The following ACSBG1 variants were observed in gnomAD, a reference collection of about 807,000 sequenced individuals.
ACSBG1 encodes acyl-CoA synthetase bubblegum family member 1.
In ACSBG1, 39 loss-of-function variants were observed where a neutral mutation model predicts 80.2. The ratio of observed to expected loss-of-function variants is 0.49; its 90% CI spans 0.38 to 0.64. The LOEUF is 0.64. ACSBG1 is among the 30% of genes least tolerant of loss of function. The pLI is 0.00. For synonymous variants in ACSBG1, 392 were observed against 379.5 expected (o/e 1.03, Z -0.38); for missense variants, 828 against 966.4 (o/e 0.86, Z 1.90).
At chr15:78,215,735 A>AAAGAAAGG (rs1555434019) in intron 1 of ACSBG1, among the ~76,000 whole-genome samples, 1,627 of 125,344 alleles carry the variant, frequency 0.013, 13 homozygotes, top group East Asian at 0.022. Context: ...AGAAAGAAAG[A>AAAGAAAGG]AAGAAAGAAA....
intron 1 of ACSBG1, chr15:78,209,320 CTG>C: frequency 2.2e-6 from 1 of 448,974 alleles, no homozygotes; most frequent in Middle Eastern, 3.5e-4. Flanking sequence ...AGGGGGATGA[CTG>C]GGGAACCAAG....
chr15:78,201,106 C>G (rs1311117076), intron 2 of ACSBG1, among the ~76,000 whole-genome samples: 1 of 152,214 alleles, frequency 6.6e-6, no homozygotes, highest in Non-Finnish European at 1.5e-5. Flanking sequence ...AGACTCCCAT[C>G]CTGAGCCTAA....
intron 4 of ACSBG1, 73 bp from the exon 5 acceptor site, chr15:78,193,699 T>C (rs2075080897): frequency 3.7e-6 from 5 of 1,361,348 alleles, no homozygotes; most frequent in Admixed American, 2.3e-5. Context: ...CCCCCACATC[T>C]GTAGCCCCCA....
In ACSBG1 at chr15:78,171,376, C is replaced by T; in HGVS notation, c.*68G>A. 1 of 1,373,510 alleles carries T rather than the reference C, an allele frequency of 7.3e-7. No individual in the cohort carries two copies. The highest frequency in any genetic ancestry group is 1.0e-6 in the Non-Finnish European group (1 of 971,376). The allele number at this position is 1,373,510 out of a possible 1,614,324, so 85.1% of individuals were successfully genotyped here. A position where few individuals can be genotyped will look rare whatever the true frequency, so the allele number is the denominator to read the frequency against. On this transcript the variant is annotated 3_prime_UTR_variant, in exon 14 of 14. Coordinates refer to ENST00000258873, the MANE Select transcript of ACSBG1 (RefSeq NM_015162.5). ...ATGCCTGTGCCCAGACTGAAGAGAC[C>T]TGGGGCTCAGGAAGAGGCTCGGAAC... is the stretch of plus-strand genomic sequence containing the variant.
At position 78,172,691 on chromosome 15, in the gene ACSBG1, A is replaced by C. The variant is rs898897692; in HGVS notation, c.2089+902T>G. Reference sequence around the variant, plus strand: ...ATTGCAGCTCAGCTTTGCTGTAGACAATTGCATCTGGGTTCAGCCGTGATG... The same window carrying C: ...ATTGCAGCTCAGCTTTGCTGTAGACCATTGCATCTGGGTTCAGCCGTGATG... On this transcript the variant is annotated intron_variant, in intron 13 of 13. Coordinates refer to ENST00000258873, the MANE Select transcript of ACSBG1 (RefSeq NM_015162.5). This position sits in a 1 kb window ranked among gnomAD's most constrained non-coding sequence, Gnocchi z 4.1. Among the ~76,000 whole-genome samples the C allele has an allele frequency of 3.9e-5, 6 of 152,222 alleles. No homozygotes were observed. The highest frequency in any genetic ancestry group is 2.0e-4 in the Admixed American group (3 of 15,282).
rs910350262 is a variant in ACSBG1 at position 78,171,058 on chromosome 15, A to G, written c.*386T>C. On this transcript the variant is annotated 3_prime_UTR_variant, in exon 14 of 14. Transcript: ENST00000258873. ...GATTGCTTTTCCTGCAGCGCACGTGAGCAGTATCAGCCATCTCTCTCCTAC... is the reference window on the plus strand; with the variant it reads ...GATTGCTTTTCCTGCAGCGCACGTGGGCAGTATCAGCCATCTCTCTCCTAC... The G allele has an allele frequency of 6.3e-6, 1 of 159,962 alleles. No homozygotes were observed. The highest frequency in any genetic ancestry group is 2.4e-5 in the African/African-American group (1 of 41,600). The allele number at this position is 159,962 out of a possible 1,614,324, so 9.9% of individuals were successfully genotyped here. A position where few individuals can be genotyped will look rare whatever the true frequency, so the allele number is the denominator to read the frequency against.
chr15:78,209,663 C>G (rs1246923940), intron 1 of ACSBG1, among the ~76,000 whole-genome samples: 1 of 152,148 alleles, frequency 6.6e-6, no homozygotes, highest in Non-Finnish European at 1.5e-5. Flanking sequence ...CTGCTAGGCT[C>G]AGAGGCCTGC....
chr15:78,208,109 T>C lies in ACSBG1; in HGVS notation c.132-7A>G. On this transcript the variant is annotated splice_polypyrimidine_tract_variant and splice_region_variant and intron_variant, in intron 1 of 13. Coordinates refer to ENST00000258873, the MANE Select transcript of ACSBG1 (RefSeq NM_015162.5). ...CTGCCTGTCAGTCAGTGAGCTGGGG[T>C]GGTGAGGGGACCAGGAAAAACATTC... 1 of 1,611,342 alleles carries C rather than the reference T, an allele frequency of 6.2e-7. No homozygotes were observed. Among genetic ancestry groups the C allele is most frequent in the Non-Finnish European group, 8.5e-7 (1 of 1,178,396 alleles).
At chr15:78,228,526 C>T (rs745621315) in intron 1 of ACSBG1, among the ~76,000 whole-genome samples, 5 of 152,206 alleles carry the variant, frequency 3.3e-5, no homozygotes, top group Non-Finnish European at 7.3e-5. Context: ...TCAGTTTGAG[C>T]TCTGCTGCCC....
At position 78,167,865 on chromosome 15, in the gene ACSBG1, T is replaced by C. The variant is rs573095020; in HGVS notation, c.*3579A>G. ...TTGAAATTATATCGTGTGGCCAAAA[T>C]ACAAGAAATTCAGGCTTGTTTTTAA... On this transcript the variant is annotated 3_prime_UTR_variant, in exon 14 of 14. Transcript: ENST00000258873. 5.9e-5 allele frequency: 9 copies of C among 152,216 alleles called. No individual in the cohort carries two copies. The highest frequency in any genetic ancestry group is 1.3e-4 in the Non-Finnish European group (9 of 68,034). The allele number at this position is 152,216 out of a possible 1,614,324, so 9.4% of individuals were successfully genotyped here. A position where few individuals can be genotyped will look rare whatever the true frequency, so the allele number is the denominator to read the frequency against.
At position 78,194,643 on chromosome 15, in the gene ACSBG1, GCA is replaced by G. The variant is rs1248567268; in HGVS notation, c.314_315del (p.Val105AlafsTer10). The G allele has an allele frequency of 6.2e-7, 1 of 1,614,254 alleles. No individual in the cohort carries two copies. The highest frequency in any genetic ancestry group is 8.5e-7 in the Non-Finnish European group (1 of 1,180,044). ...DPSCPQLPYT[V>X]HRMFYEALDK... ...TCCAGGGCCTCGTAGAACATCCGAT[GCA>G]CAGTGTAGGGAAGCTGTGGGCAGCT... On this transcript the variant is annotated frameshift_variant, in exon 3 of 14. Coordinates refer to ENST00000258873, the MANE Select transcript of ACSBG1 (RefSeq NM_015162.5). LOFTEE classifies it high-confidence loss of function.
chr15:78,215,116 C>T (rs907359115), intron 1 of ACSBG1, among the ~76,000 whole-genome samples: 2 of 152,034 alleles, frequency 1.3e-5, no homozygotes, highest in South Asian at 4.2e-4. Context: ...GAAGCCCATG[C>T]TATATTAACG....
At chr15:78,185,436 A>C (rs986447907) in intron 5 of ACSBG1, among the ~76,000 whole-genome samples, 1 of 152,228 alleles carries the variant, frequency 6.6e-6, no homozygotes, top group Non-Finnish European at 1.5e-5. Flanking sequence ...TAGAGTAAAG[A>C]CTACCTAAAG....
chr15:78,209,302 C>T (rs1004095749), intron 1 of ACSBG1: 22 of 445,022 alleles, frequency 4.9e-5, no homozygotes, highest in Non-Finnish European at 7.3e-5. Flanking sequence ...GGGAGGGGGA[C>T]GGGGAGAAGG....
rs181170316 is a variant in ACSBG1 at position 78,167,786 on chromosome 15, C to G, written c.*3658G>C. 2.0e-5 allele frequency: 3 copies of G among 152,274 alleles called. No individual in the cohort carries two copies. The East Asian group carries it at 5.8e-4, about 29-fold the overall frequency. 9.4% of individuals were successfully genotyped at this position (152,274 alleles called of 1,614,324 possible). ...TTTGTCCTTTGAGTCTGGCTTATTTCACTTAGCGTAATATCTTCAAAGTTG... is the reference window on the plus strand; with the variant it reads ...TTTGTCCTTTGAGTCTGGCTTATTTGACTTAGCGTAATATCTTCAAAGTTG... On this transcript the variant is annotated 3_prime_UTR_variant, in exon 14 of 14. Transcript: ENST00000258873.
At chr15:78,224,535 C>T (rs748886849) in intron 1 of ACSBG1, among the ~76,000 whole-genome samples, 12 of 151,972 alleles carry the variant, frequency 7.9e-5, no homozygotes, top group South Asian at 2.1e-4. Flanking sequence ...CTGGCTAACA[C>T]GGTGAAACCC....
intron 1 of ACSBG1, among the ~76,000 whole-genome samples, chr15:78,219,718 C>T (rs1217405871): frequency 6.6e-6 from 1 of 152,094 alleles, no homozygotes; most frequent in Non-Finnish European, 1.5e-5. Flanking sequence ...GGCGCGGTGG[C>T]TAATGCCTGT....
intron 11 of ACSBG1, among the ~76,000 whole-genome samples, chr15:78,175,733 G>C (rs1378575550): frequency 6.6e-6 from 1 of 152,170 alleles, no homozygotes; most frequent in African/African-American, 2.4e-5. Context: ...GGTGAAGAGT[G>C]GTTATTCAGG....
chr15:78,207,519 C>T (rs560713835), intron 2 of ACSBG1, among the ~76,000 whole-genome samples: 1 of 152,112 alleles, frequency 6.6e-6, no homozygotes, highest in East Asian at 1.9e-4. Context: ...CCTTAAGGCA[C>T]AATTATTTGA....
Sources: gnomAD v4.1 joint callset for allele counts (sites outside exome capture counted in the v4.1 genomes callset) on GRCh38, gnomAD v4.1.1 for gene constraint, Gnocchi (gnomAD v3.1) non-coding constraint, MANE v1.5 for transcripts, NCBI Gene and HGNC (gene_info 2026-07-23, HGNC 2026-07-21) for gene names.